Variants in VIPR1 observed in about 807,000 individuals in gnomAD.
VIPR1 encodes vasoactive intestinal polypeptide receptor 1.
Under a neutral mutation model 58.8 loss-of-function variants are expected in VIPR1, and 59 were observed. That is an observed-to-expected ratio of 1.00 (90% CI 0.81 to 1.25). VIPR1 has a LOEUF of 1.25. Ranked by LOEUF, VIPR1 falls within the 50% of genes most tolerant of loss-of-function variation. The pLI is 0.00. For synonymous variants in VIPR1, 251 were observed against 242.1 expected, an observed-to-expected ratio of 1.04 and a Z score of -0.34; for missense variants, 626 against 602.7, an observed-to-expected ratio of 1.04 and a Z score of -0.40.
At chr3:42,493,760 G>A (rs906950454) in intron 1 of VIPR1, among the ~76,000 whole-genome samples, 6 of 152,334 alleles carry the variant, frequency 3.9e-5, no homozygotes, top group African/African-American at 1.2e-4. Context: ...TCAGGATATG[G>A]CTGTACCTGG....
At chr3:42,515,054 G>A (rs1478932025) in intron 2 of VIPR1, among the ~76,000 whole-genome samples, 1 of 152,178 alleles carries the variant, frequency 6.6e-6, no homozygotes, top group Non-Finnish European at 1.5e-5. Context: ...GCATGAGATG[G>A]CTGGGCCCGT....
chr3:42,532,419 C>A, intron 10 of VIPR1, 86 bp downstream of exon 10: 1 of 1,368,682 alleles, frequency 7.3e-7, no homozygotes, highest in South Asian at 1.2e-5. Context: ...TCCTCCCACC[C>A]CAAACATCCA....
chr3:42,501,525 G>T (rs1190738950), upstream of VIPR1, among the ~76,000 whole-genome samples: 4 of 152,206 alleles, frequency 2.6e-5, no homozygotes, highest in Non-Finnish European at 5.9e-5. This position sits in a 1 kb window ranked among gnomAD's most constrained non-coding sequence, Gnocchi z 4.8. Flanking sequence ...GCTCGAGCCC[G>T]TAGAAAGAGG....
chr3:42,490,026 A>C (rs749285970), intron 1 of VIPR1, among the ~76,000 whole-genome samples: 3 of 151,778 alleles, frequency 2.0e-5, no homozygotes, highest in Non-Finnish European at 2.9e-5. Context: ...CCACCCAGAG[A>C]GGCTAAGCTC....
At chr3:42,532,497 C>G (rs940436576) in intron 10 of VIPR1, 164 bp downstream of exon 10, 1 of 710,872 alleles carries the variant, frequency 1.4e-6, no homozygotes, top group Non-Finnish European at 2.4e-6. Flanking sequence ...ACCACCATCC[C>G]CTGCTCCAGC....
chr3:42,502,910 T>C (rs904754223), intron 1 of VIPR1, 97 bp downstream of exon 1: 5 of 990,854 alleles, frequency 5.0e-6, no homozygotes, highest in Non-Finnish European at 6.5e-6. Context: ...TCTGTGCGCG[T>C]GTCTGTGTAA....
intron 3 of VIPR1, among the ~76,000 whole-genome samples, chr3:42,525,200 A>G (rs997257701): frequency 6.6e-6 from 1 of 151,906 alleles, no homozygotes; most frequent in African/African-American, 2.4e-5. Flanking sequence ...CTCACCTCAC[A>G]TACCCCCTAA....
At chr3:42,497,551 G>A (rs1559474963) in intron 1 of VIPR1, among the ~76,000 whole-genome samples, 1 of 152,202 alleles carries the variant, frequency 6.6e-6, no homozygotes, top group Non-Finnish European at 1.5e-5. Flanking sequence ...CCCCTTTAGA[G>A]TCTCCCACAC....
intron 1 of VIPR1, chr3:42,508,087 G>A (rs1700201769): frequency 1.3e-5 from 2 of 152,188 alleles, no homozygotes; most frequent in South Asian, 2.1e-4. Context: ...TGGTGGGTAC[G>A]GCTGGCACTT....
Position 42,504,015 on chromosome 3 carries a change from G to T in VIPR1, c.78+1202G>T, listed in dbSNP as rs971332825. Among the ~76,000 whole-genome samples the T allele has an allele frequency of 1.1e-4, 17 of 152,104 alleles. 1 individual carries two copies. The highest frequency in any genetic ancestry group is 3.4e-4 in the African/African-American group (14 of 41,406). On this transcript the variant is annotated intron_variant, in intron 1 of 12. Transcript: ENST00000325123. ...AAGCTCATTGCCTGTCCTAGGAGCG[G>T]ACCTCTGACAATTGGCAGGAGCCTC...
rs1168154211 is a variant in VIPR1, at chr3:42,535,048, GA to G, written c.1085del (p.Asp362AlafsTer7). On this transcript the variant is annotated frameshift_variant, in exon 11 of 13. Transcript: ENST00000325123. LOFTEE classifies it high-confidence loss of function. ...CTACATCATGTTCGCCTTCTTTCCG[GA>G]CAATTTTAAGCCTGAAGTGAAGATG... is the stretch of plus-strand genomic sequence containing the variant. The part of the protein sequence containing the change: ...VHYIMFAFFP[D>X]NFKPEVKMVF... 1.2e-6 allele frequency: 2 copies of G among 1,614,158 alleles called. No homozygotes were observed. The highest frequency in any genetic ancestry group is 1.6e-4 in the Middle Eastern group (1 of 6,062).
At chr3:42,522,608 A>AT (rs1701009986) in intron 3 of VIPR1, among the ~76,000 whole-genome samples, 1 of 152,074 alleles carries the variant, frequency 6.6e-6, no homozygotes, top group African/African-American at 2.4e-5. Flanking sequence ...GCTGGCTGGG[A>AT]TGGGACACCA....
chr3:42,527,542 T>C, intron 5 of VIPR1, 46 bp downstream of exon 5: 1 of 1,591,416 alleles, frequency 6.3e-7, no homozygotes, highest in Non-Finnish European at 8.6e-7. Context: ...ACCTGGCAAG[T>C]GTCCCTCCCA....
chr3:42,514,543 A>ACACACG (rs753130162), intron 2 of VIPR1, among the ~76,000 whole-genome samples: 1 of 133,392 alleles, frequency 7.5e-6, no homozygotes, highest in Admixed American at 7.2e-5. Context: ...TAGTGACACC[A>ACACACG]CACACACACA....
rs114909680 is a variant in VIPR1, at chr3:42,492,111, C to G, written c.-245+2433C>G. ...TGGCTCCAGCATTTGGCTTCCTCTT[C>G]CCTCCCAACTCCCTCCTCCCCTCTC... On this transcript the variant is annotated intron_variant, in intron 1 of 13. Transcript: ENST00000433647. Among the ~76,000 whole-genome samples, 346 of 152,132 alleles carry G rather than the reference C, an allele frequency of 2.3e-3. 4 individuals carry two copies. The highest frequency in any genetic ancestry group is 8.3e-3 in the African/African-American group (343 of 41,502).
chr3:42,536,951 C>G lies in VIPR1; in HGVS notation c.*670C>G, dbSNP rs559073442. On this transcript the variant is annotated 3_prime_UTR_variant, in exon 13 of 13. Transcript: ENST00000325123. ...AGTCTGGTGGGAGGACGGTGCAACCCAAGGACTGAGGGACTCTGAAGCCTC... is the reference window on the plus strand; with the variant it reads ...AGTCTGGTGGGAGGACGGTGCAACCGAAGGACTGAGGGACTCTGAAGCCTC... The G allele has an allele frequency of 2.0e-5, 3 of 152,196 alleles. No individual in the cohort carries two copies. Among genetic ancestry groups the G allele is most frequent in the Admixed American group, 6.5e-5 (1 of 15,284 alleles). 9.4% of individuals were successfully genotyped at this position (152,196 alleles called of 1,614,324 possible). A position where few individuals can be genotyped will look rare whatever the true frequency, so the allele number is the denominator to read the frequency against.
chr3:42,535,968 C>T, intron 12 of VIPR1, 122 bp from the exon 13 acceptor site: 1 of 1,247,992 alleles, frequency 8.0e-7, no homozygotes, highest in Non-Finnish European at 1.1e-6. Flanking sequence ...ATAGGGGTCC[C>T]TCCATTTTGA....
At chr3:42,514,625 T>A (rs1700536015) in intron 2 of VIPR1, among the ~76,000 whole-genome samples, 1 of 150,294 alleles carries the variant, frequency 6.7e-6, no homozygotes, top group South Asian at 2.1e-4. Context: ...CACACTGGCC[T>A]CTCCATCCCA....
Position 42,527,470 on chromosome 3 carries a change from C to G in VIPR1, c.477C>G (p.Val159=). The G allele has an allele frequency of 1.9e-6, 3 of 1,613,898 alleles. No individual in the cohort carries two copies. Among genetic ancestry groups the G allele is most frequent in the Non-Finnish European group, 2.5e-6 (3 of 1,179,962 alleles). ...GYGLSLATLL[V]ATAILSLFRK... ...GCCTGTCCCTCGCCACCCTTCTGGT[C>G]GCCACAGCTATCCTGAGCCTGTTCA... Residue 159 remains valine (V), a synonymous_variant, in exon 5 of 13, where the codon GTC becomes GTG. Transcript: ENST00000325123.
Sources: allele counts gnomAD v4.1 joint callset (sites outside exome capture counted in the v4.1 genomes callset), GRCh38; gene constraint gnomAD v4.1.1; non-coding constraint Gnocchi (gnomAD v3.1); transcripts MANE v1.5; gene names NCBI Gene and HGNC (gene_info 2026-07-23, HGNC 2026-07-21).